NWD1: variants seen among roughly 807,000 people sequenced by gnomAD.
NWD1 encodes the protein NACHT domain- and WD repeat-containing protein 1.
NWD1 carries 129 observed loss-of-function variants against 135.1 expected under a neutral mutation model. The observed-to-expected ratio is 0.96, with a 90% CI of 0.83 to 1.11. The LOEUF is 1.11. Among genes scored for constraint, NWD1 ranks in the 50% least tolerant of loss-of-function variants. The pLI is 0.00. For synonymous variants in NWD1, 773 were observed against 786.0 expected (o/e 0.98, Z 0.28); for missense variants, 1,740 against 1,851.3 (o/e 0.94, Z 1.10).
intron 6 of NWD1, among the ~76,000 whole-genome samples, chr19:16,757,627 G>A (rs756420229): frequency 4.6e-5 from 7 of 152,140 alleles, no homozygotes; most frequent in South Asian, 2.1e-4. Flanking sequence ...TCCTCTGGGA[G>A]TGCCAAGTGA....
At chr19:16,758,368 C>A (rs1354110402) in intron 6 of NWD1, among the ~76,000 whole-genome samples, 1 of 152,152 alleles carries the variant, frequency 6.6e-6, no homozygotes, top group Non-Finnish European at 1.5e-5. Flanking sequence ...CCTCAACCTC[C>A]TGGGCTCAAG....
At chr19:16,791,734 A>T in intron 14 of NWD1, 112 bp downstream of exon 14, 1 of 1,159,968 alleles carries the variant, frequency 8.6e-7, no homozygotes, top group Non-Finnish European at 1.2e-6. Context: ...TGTTTTGGAG[A>T]TGAAGTTTCA....
rs1004129281 is a variant in NWD1, at chr19:16,816,168, T to G, written c.*1129T>G. 1 of 152,158 alleles carries G rather than the reference T, an allele frequency of 6.6e-6. No individual in the cohort carries two copies. The highest frequency in any genetic ancestry group is 1.5e-5 in the Non-Finnish European group (1 of 68,060). 9.4% of individuals were successfully genotyped at this position (152,158 alleles called of 1,614,324 possible). ...CAGGGAGAGACAGAGACTGGACATGTGGAAGGCAGAGATTGTGTCTAGGGT... is the reference window on the plus strand; with the variant it reads ...CAGGGAGAGACAGAGACTGGACATGGGGAAGGCAGAGATTGTGTCTAGGGT... On this transcript the variant is annotated 3_prime_UTR_variant, in exon 19 of 19. Transcript: ENST00000524140.
chr19:16,791,316 C>T (rs897207199), intron 13 of NWD1, 34 bp from the exon 14 acceptor site: 2 of 1,599,102 alleles, frequency 1.3e-6, no homozygotes, highest in South Asian at 1.1e-5. Context: ...AGGTCTCCTG[C>T]CAAGATGCTG....
intron 12 of NWD1, among the ~76,000 whole-genome samples, chr19:16,788,205 G>T (rs1315778479): frequency 6.9e-6 from 1 of 144,086 alleles, no homozygotes; most frequent in African/African-American, 2.5e-5. Context: ...ACTCCAGCCT[G>T]GGCAACAAGA....
At position 16,773,113 on chromosome 19, in the gene NWD1, C is replaced by G; in HGVS notation, c.2411-13C>G. On this transcript the variant is annotated splice_polypyrimidine_tract_variant and intron_variant, in intron 10 of 18. Transcript: ENST00000524140. ...TCAATCCAGGCAACTTAGTCTACAT[C>G]CCTTTGTTGCAGAGAGGAGCCTCCT... 1.2e-6 allele frequency: 2 copies of G among 1,612,332 alleles called. No homozygotes were observed.
chr19:16,809,719 T>C (rs944597707), intron 18 of NWD1, among the ~76,000 whole-genome samples: 2 of 151,906 alleles, frequency 1.3e-5, no homozygotes, highest in African/African-American at 4.8e-5. Flanking sequence ...CACGCCTGGC[T>C]AATTTTTTTG....
At chr19:16,809,226 G>T (rs1970848500) in intron 18 of NWD1, among the ~76,000 whole-genome samples, 1 of 151,798 alleles carries the variant, frequency 6.6e-6, no homozygotes, top group Non-Finnish European at 1.5e-5. Context: ...TGGGATTACA[G>T]ATAAGCACCA....
At position 16,749,767 on chromosome 19, in the gene NWD1, G is replaced by A. The variant is rs771954204; in HGVS notation, c.1125G>A (p.Thr375=). The A allele has an allele frequency of 6.2e-6, 10 of 1,606,682 alleles. No individual in the cohort carries two copies. Among genetic ancestry groups the A allele is most frequent in the South Asian group, 3.3e-5 (3 of 90,114 alleles). The part of the protein sequence containing the change: ...KTVTVLRLLG[T]SQMSSDARGL... ...TGACCGTCCTGCGGCTGCTGGGGACGTCACAAATGAGCTCAGATGCCCGTG... is the reference window on the plus strand; with the variant it reads ...TGACCGTCCTGCGGCTGCTGGGGACATCACAAATGAGCTCAGATGCCCGTG... Residue 375 remains threonine, a synonymous_variant, in exon 6 of 19, where the codon ACG becomes ACA. Transcript: ENST00000524140.
chr19:16,810,437 CAAAA>C (rs529841524), intron 18 of NWD1, among the ~76,000 whole-genome samples: 3 of 66,274 alleles, frequency 4.5e-5, no homozygotes, highest in Non-Finnish European at 6.0e-5. Flanking sequence ...GACTCCATCT[CAAAA>C]AAAAAAAAAA....
chr19:16,784,885 C>T (rs745399114), intron 12 of NWD1, among the ~76,000 whole-genome samples: 4 of 151,342 alleles, frequency 2.6e-5, no homozygotes, highest in Admixed American at 6.6e-5. Flanking sequence ...GCCGAGATCG[C>T]GCCACTGCAC....
At chr19:16,789,256 C>A in intron 13 of NWD1, 66 bp downstream of exon 13, 1 of 1,304,278 alleles carries the variant, frequency 7.7e-7, no homozygotes, top group Non-Finnish European at 1.1e-6. Context: ...CAGAATAGGC[C>A]ATTTCTATAA....
At chr19:16,753,561 C>T (rs2122832341) in intron 6 of NWD1, among the ~76,000 whole-genome samples, 1 of 152,294 alleles carries the variant, frequency 6.6e-6, no homozygotes, top group East Asian at 1.9e-4. Context: ...CTCCACGCCC[C>T]CCATCCCCCC....
intron 17 of NWD1, among the ~76,000 whole-genome samples, chr19:16,804,255 A>G (rs1970687209): frequency 6.6e-6 from 1 of 152,094 alleles, no homozygotes; most frequent in Non-Finnish European, 1.5e-5. Context: ...GGCCACTATA[A>G]CAGAATGCCA....
At chr19:16,740,965 C>G (rs1020705603) in intron 4 of NWD1, among the ~76,000 whole-genome samples, 2 of 152,052 alleles carry the variant, frequency 1.3e-5, no homozygotes, top group Non-Finnish European at 2.9e-5. Context: ...TCAAGACCAG[C>G]CTGGCCAACA....
At chr19:16,789,310 G>C (rs1970163845) in intron 13 of NWD1, 120 bp downstream of exon 13, 10 of 721,210 alleles carry the variant, frequency 1.4e-5, no homozygotes, top group Middle Eastern at 3.4e-4. Flanking sequence ...TGTAAATGGA[G>C]TACACAACCA....
At chr19:16,723,950 C>A (rs1357237302) in intron 1 of NWD1, among the ~76,000 whole-genome samples, 2 of 151,884 alleles carry the variant, frequency 1.3e-5, no homozygotes, top group East Asian at 3.9e-4. Flanking sequence ...CCCGCCTTGG[C>A]CTCCCAAAGT....
At position 16,784,142 on chromosome 19, in the gene NWD1, T is replaced by C. The variant is rs1201360677; in HGVS notation, c.2731+4677T>C. On this transcript the variant is annotated intron_variant, in intron 12 of 18. Transcript: ENST00000524140. ...ATCACTTGAACCTGGGAGGTGGAGGTTGCTGTGAGCCGAGATCATGCCACT... is the reference window on the plus strand; with the variant it reads ...ATCACTTGAACCTGGGAGGTGGAGGCTGCTGTGAGCCGAGATCATGCCACT... 2.0e-5 allele frequency among the ~76,000 whole-genome samples: 3 copies of C among 151,390 alleles called. No individual in the cohort carries two copies. In the East Asian group the frequency reaches 5.8e-4, roughly 29 times the overall value.
chr19:16,784,501 G>T (rs191015616), intron 12 of NWD1, among the ~76,000 whole-genome samples: 18 of 152,138 alleles, frequency 1.2e-4, no homozygotes, highest in Admixed American at 1.2e-3. Flanking sequence ...GGTGAAGGAA[G>T]GGCAGGGGAG....
Sources: allele counts gnomAD v4.1 joint callset (sites outside exome capture counted in the v4.1 genomes callset), GRCh38; gene constraint gnomAD v4.1.1; transcripts MANE v1.5; gene names NCBI Gene and HGNC (gene_info 2026-07-23, HGNC 2026-07-21).